Variants in ARNT2 observed in about 807,000 individuals in gnomAD.
ARNT2 encodes aryl hydrocarbon receptor nuclear translocator 2, also known as ARNT protein 2.
Under a neutral mutation model 91.7 loss-of-function variants are expected in ARNT2, and 36 were observed. The ratio of observed to expected loss-of-function variants is 0.39; its 90% CI spans 0.30 to 0.52. The LOEUF (loss-of-function observed/expected upper bound fraction) is 0.52. Ranked by LOEUF, ARNT2 falls within the 20% of genes least tolerant of loss-of-function variation. ARNT2 has a pLI of 0.72. For missense variants in ARNT2, 775 were observed against 939.3 expected (o/e 0.83, Z 2.29); for synonymous variants, 365 against 347.1 (o/e 1.05, Z -0.57).
At chr15:80,423,776 C>CAGAGAGAGAGAGAGAGAGAGAG (rs3054951) in intron 1 of ARNT2, among the ~76,000 whole-genome samples, 1 of 148,510 alleles carries the variant, frequency 6.7e-6, no homozygotes, top group East Asian at 2.0e-4. Flanking sequence ...GAGAAAGAGG[C>CAGAGAGAGAGAGAGAGAGAGAG]AGAGAGAGAG....
intron 1 of ARNT2, among the ~76,000 whole-genome samples, chr15:80,417,692 A>G (rs1895806980): frequency 3.3e-5 from 5 of 151,290 alleles, no homozygotes; most frequent in Admixed American, 2.6e-4. Context: ...TTAAAGACCC[A>G]AAGAAACAGG....
chr15:80,556,376 T>A (rs2141460029), intron 11 of ARNT2: 1 of 152,350 alleles, frequency 6.6e-6, no homozygotes. Context: ...AAAACCACTT[T>A]AGTAGCCCAG....
Position 80,581,299 on chromosome 15 carries a change from ACCTACCCGGCAGACCCCTCTT to A in ARNT2, c.1819_1839del (p.Pro607_Tyr613del). 1.2e-6 allele frequency: 2 copies of A among 1,613,976 alleles called. No individual in the cohort carries two copies. Among genetic ancestry groups the A allele is most frequent in the Non-Finnish European group, 1.7e-6 (2 of 1,179,986 alleles). The stretch of plus-strand genomic sequence containing the variant: ...TCCCTTTGGGATTGGAACGAGCCAC[ACCTACCCGGCAGACCCCTCTT>A]CCTACAGCCCCCTCTCCAGCCCAGC... On this transcript the variant is annotated inframe_deletion, in exon 17 of 19. Coordinates refer to ENST00000303329, the MANE Select transcript of ARNT2 (RefSeq NM_014862.4).
intron 17 of ARNT2, among the ~76,000 whole-genome samples, chr15:80,589,854 T>C (rs1267402624): frequency 6.6e-6 from 1 of 152,216 alleles, no homozygotes; most frequent in African/African-American, 2.4e-5. Context: ...GCAGATGAAT[T>C]TTTTATAGCA....
rs572285138 is a variant in ARNT2 at position 80,475,984 on chromosome 15, G to A, written c.622+761G>A. Among the ~76,000 whole-genome samples, 8 of 152,260 alleles carry A rather than the reference G, an allele frequency of 5.3e-5. No homozygotes were observed. In the East Asian group the frequency reaches 1.5e-3, roughly 29 times the overall value. On this transcript the variant is annotated intron_variant, in intron 5 of 18. Coordinates refer to ENST00000303329, the MANE Select transcript of ARNT2 (RefSeq NM_014862.4). ...GCAATTCAAAACTATAGGGCTTATC[G>A]AGAAAAAGTGGTTTAGAAGAACAAC... is the stretch of plus-strand genomic sequence containing the variant.
intron 12 of ARNT2, among the ~76,000 whole-genome samples, chr15:80,565,836 TTACTC>T (rs1315264085): frequency 6.6e-6 from 1 of 151,348 alleles, no homozygotes; most frequent in Non-Finnish European, 1.5e-5. Flanking sequence ...GATTGTCTGT[TTACTC>T]TATTGATAGT....
chr15:80,571,082 T>G (rs955349022), intron 12 of ARNT2, among the ~76,000 whole-genome samples: 1 of 152,128 alleles, frequency 6.6e-6, no homozygotes, highest in African/African-American at 2.4e-5. Context: ...TCCAACTTAT[T>G]TTGTGTTTCT....
At chr15:80,550,415 G>A (rs563201322) in intron 8 of ARNT2, among the ~76,000 whole-genome samples, 13 of 152,306 alleles carry the variant, frequency 8.5e-5, no homozygotes, top group Admixed American at 2.0e-4. Flanking sequence ...AAATATTTGC[G>A]TTAAGTGTCA....
intron 6 of ARNT2, among the ~76,000 whole-genome samples, chr15:80,510,712 C>T (rs1897329337): frequency 1.3e-5 from 2 of 152,006 alleles, no homozygotes; most frequent in South Asian, 4.2e-4. Context: ...GCTTGTAGTC[C>T]CTGCTACTCG....
intron 1 of ARNT2, among the ~76,000 whole-genome samples, chr15:80,421,588 G>C (rs1386349935): frequency 1.3e-5 from 2 of 152,160 alleles, no homozygotes; most frequent in Non-Finnish European, 2.9e-5. Flanking sequence ...ACATTGTATA[G>C]GTTATATGAA....
intron 8 of ARNT2, 43 bp downstream of exon 8, chr15:80,514,448 C>G (rs746849719): frequency 6.5e-7 from 1 of 1,544,840 alleles, no homozygotes; most frequent in South Asian, 1.1e-5. Flanking sequence ...CTGGGTGCTG[C>G]TCATACCTGA....
intron 8 of ARNT2, among the ~76,000 whole-genome samples, chr15:80,542,349 GTC>G (rs1897921779): frequency 6.6e-6 from 1 of 152,138 alleles, no homozygotes; most frequent in Non-Finnish European, 1.5e-5. Context: ...CCCCCATCAA[GTC>G]TCTTTCTATT....
chr15:80,564,894 A>G (rs530229664), intron 12 of ARNT2, among the ~76,000 whole-genome samples: 1 of 149,896 alleles, frequency 6.7e-6, no homozygotes, highest in South Asian at 2.1e-4. Flanking sequence ...ATTTTGTGTC[A>G]TTTATGTACC....
intron 3 of ARNT2, among the ~76,000 whole-genome samples, chr15:80,462,346 A>G (rs1030877980): frequency 2.0e-5 from 3 of 152,176 alleles, no homozygotes; most frequent in Admixed American, 1.3e-4. Context: ...CAGAGTCAAA[A>G]TTATACACCG....
At chr15:80,500,354 CTTTG>C (rs1897174285) in intron 5 of ARNT2, among the ~76,000 whole-genome samples, 1 of 152,186 alleles carries the variant, frequency 6.6e-6, no homozygotes, top group South Asian at 2.1e-4. Context: ...CATCGTTTTG[CTTTG>C]TTTTTGTTCC....
chr15:80,535,551 C>G (rs1158904047), intron 8 of ARNT2, among the ~76,000 whole-genome samples: 3 of 152,160 alleles, frequency 2.0e-5, no homozygotes, highest in Non-Finnish European at 4.4e-5. Context: ...AGTGAATTGC[C>G]TGTTCATGCT....
intron 1 of ARNT2, among the ~76,000 whole-genome samples, chr15:80,424,188 C>A (rs1895901930): frequency 6.6e-6 from 1 of 152,210 alleles, no homozygotes; most frequent in Non-Finnish European, 1.5e-5. Context: ...CAGGAACCCT[C>A]ATGGGGTCAG....
chr15:80,482,693 CGGATGCAGG>C (rs1896908474), intron 5 of ARNT2, among the ~76,000 whole-genome samples: 1 of 152,168 alleles, frequency 6.6e-6, no homozygotes. Flanking sequence ...GACTGAGGCT[CGGATGCAGG>C]GGTCTCTAGG....
At chr15:80,449,424 A>C (rs1030763695) in intron 1 of ARNT2, among the ~76,000 whole-genome samples, 1 of 152,170 alleles carries the variant, frequency 6.6e-6, no homozygotes, top group Non-Finnish European at 1.5e-5. Flanking sequence ...CAGATGATAA[A>C]GTTGTTGGGT....
Sources: allele counts gnomAD v4.1 joint callset (sites outside exome capture counted in the v4.1 genomes callset), GRCh38; gene constraint gnomAD v4.1.1; transcripts MANE v1.5; gene names NCBI Gene and HGNC (gene_info 2026-07-23, HGNC 2026-07-21).